Variants in PPP4R2 observed in about 807,000 individuals in gnomAD.
PPP4R2 encodes the protein serine/threonine-protein phosphatase 4 regulatory subunit 2.
A neutral mutation model predicts 47.2 loss-of-function variants in PPP4R2; 13 were observed. The ratio of observed to expected loss-of-function variants is 0.28; its 90% CI spans 0.18 to 0.44. The LOEUF is 0.44. Among genes scored for constraint, PPP4R2 ranks in the 20% least tolerant of loss-of-function variants. The pLI, the probability that PPP4R2 is intolerant of heterozygous loss-of-function variation, is 1.00. For synonymous variants in PPP4R2, 151 were observed against 163.3 expected, an observed-to-expected ratio of 0.92 and a Z score of 0.57; for missense variants, 421 against 491.2, an observed-to-expected ratio of 0.86 and a Z score of 1.35.
Position 73,064,000 on chromosome 3 carries a change from T to C in PPP4R2, c.495-3T>C, listed in dbSNP as rs1288971107. ...GAAATGATGTTCATTTATCTTATTATAGGTCTAATATAAATGGGCCTGGGA... is the reference window on the plus strand; with the variant it reads ...GAAATGATGTTCATTTATCTTATTACAGGTCTAATATAAATGGGCCTGGGA... On this transcript the variant is annotated splice_region_variant and splice_polypyrimidine_tract_variant and intron_variant, in intron 6 of 8. Transcript: ENST00000356692. The C allele has an allele frequency of 1.3e-6, 2 of 1,581,570 alleles. No individual in the cohort carries two copies. Among genetic ancestry groups the C allele is most frequent in the African/African-American group, 2.8e-5 (2 of 72,726 alleles).
At chr3:72,998,595 G>C (rs1428794651) in intron 2 of PPP4R2, among the ~76,000 whole-genome samples, 1 of 152,100 alleles carries the variant, frequency 6.6e-6, no homozygotes, top group African/African-American at 2.4e-5. Context: ...GCATATGTAG[G>C]TGTTTAAAGT....
chr3:73,015,941 T>G (rs1701823808), intron 2 of PPP4R2: 1 of 240,144 alleles, frequency 4.2e-6, no homozygotes, highest in African/African-American at 2.4e-5. Flanking sequence ...CCCGCCCTGT[T>G]TTTTTGAGTA....
intron 2 of PPP4R2, among the ~76,000 whole-genome samples, chr3:73,005,872 A>T (rs1000176054): frequency 6.7e-5 from 10 of 150,240 alleles, no homozygotes; most frequent in Non-Finnish European, 1.5e-4. Flanking sequence ...TATAATTGAC[A>T]TACAATACAC....
At chr3:73,038,774 CTT>C (rs1243922367) in intron 2 of PPP4R2, among the ~76,000 whole-genome samples, 1 of 152,118 alleles carries the variant, frequency 6.6e-6, no homozygotes, top group Non-Finnish European at 1.5e-5. Context: ...TAATTTGAAT[CTT>C]TAGGCATTTT....
At chr3:73,027,725 ATAAAT>A (rs1476562396) in intron 2 of PPP4R2, 2 of 151,776 alleles carry the variant, frequency 1.3e-5, no homozygotes, top group Non-Finnish European at 2.9e-5. Flanking sequence ...CAGTAGATAA[ATAAAT>A]TATATATTAT....
chr3:73,011,482 GA>G (rs34933435), intron 2 of PPP4R2, among the ~76,000 whole-genome samples: 21,067 of 148,536 alleles, frequency 0.14, 1,754 homozygotes, highest in East Asian at 0.36. Flanking sequence ...CAGTGTCTCA[GA>G]AAAAAAAAAA....
intron 2 of PPP4R2, among the ~76,000 whole-genome samples, chr3:73,021,707 C>T (rs916340924): frequency 4.6e-5 from 7 of 151,980 alleles, no homozygotes; most frequent in African/African-American, 1.7e-4. Context: ...ATTAAGGTAT[C>T]ACTTAAGTCA....
chr3:73,023,076 A>G (rs1351115627), intron 2 of PPP4R2, among the ~76,000 whole-genome samples: 1 of 152,102 alleles, frequency 6.6e-6, no homozygotes, highest in East Asian at 1.9e-4. Flanking sequence ...TTGCATCCTT[A>G]CTTTGTGACT....
rs1703053092 is a variant in PPP4R2 at position 73,068,836 on chromosome 3, G to A, written c.*3114G>A. 1.3e-5 allele frequency: 2 copies of A among 152,212 alleles called. No homozygotes were observed. The highest frequency in any genetic ancestry group is 4.8e-5 in the African/African-American group (2 of 41,454). 9.4% of individuals were successfully genotyped at this position (152,212 alleles called of 1,614,324 possible). On this transcript the variant is annotated 3_prime_UTR_variant, in exon 9 of 9. Transcript: ENST00000356692. ...TTATGAAAAAAATGTAACATGGTAA[G>A]GATGAAAATGCAACTTACAAAACCA...
intron 1 of PPP4R2, 72 bp from the exon 2 acceptor site, chr3:72,998,005 A>G: frequency 2.0e-6 from 2 of 999,058 alleles, no homozygotes; most frequent in Non-Finnish European, 3.2e-6. Flanking sequence ...AAGGTAAAGG[A>G]CTAGGAGGAA....
intron 2 of PPP4R2, among the ~76,000 whole-genome samples, chr3:73,042,795 T>G (rs1317387349): frequency 1.3e-5 from 2 of 152,208 alleles, no homozygotes; most frequent in Non-Finnish European, 2.9e-5. Flanking sequence ...TAGTATCACT[T>G]GAATTGCATC....
chr3:73,049,754 T>G (rs781180794), intron 3 of PPP4R2, among the ~76,000 whole-genome samples: 1 of 149,698 alleles, frequency 6.7e-6, no homozygotes, highest in African/African-American at 2.4e-5. Flanking sequence ...TATTATATAT[T>G]ATATATAAAT....
At chr3:73,012,323 G>A (rs34646485) in intron 2 of PPP4R2, among the ~76,000 whole-genome samples, 49,819 of 151,426 alleles carry the variant, frequency 0.33, 8,705 homozygotes, top group Non-Finnish European at 0.4. Flanking sequence ...TTTTTGAGAC[G>A]GAGTCTTGCT....
At chr3:73,009,945 T>G (rs187226868) in intron 2 of PPP4R2, among the ~76,000 whole-genome samples, 1 of 152,364 alleles carries the variant, frequency 6.6e-6, no homozygotes, top group Admixed American at 6.5e-5. Flanking sequence ...GCCCAGGTTT[T>G]GCATTGCTTG....
chr3:73,023,312 G>A (rs1282869171), intron 2 of PPP4R2, among the ~76,000 whole-genome samples: 4 of 151,228 alleles, frequency 2.6e-5, no homozygotes, highest in East Asian at 1.9e-4. Flanking sequence ...TCAGCCTCCC[G>A]AGTAGCTCAG....
intron 2 of PPP4R2, among the ~76,000 whole-genome samples, chr3:73,000,978 T>C (rs1007610053): frequency 1.3e-5 from 2 of 152,180 alleles, no homozygotes; most frequent in African/African-American, 4.8e-5. Context: ...GTGGTAGCCT[T>C]TTCCAGTTGG....
intron 2 of PPP4R2, among the ~76,000 whole-genome samples, chr3:73,038,847 A>G (rs1702318361): frequency 6.6e-6 from 1 of 152,158 alleles, no homozygotes; most frequent in Non-Finnish European, 1.5e-5. Flanking sequence ...ACACTGAGCT[A>G]TTGTCTGAAA....
At chr3:73,047,051 C>A in intron 2 of PPP4R2, 135 bp from the exon 3 acceptor site, 1 of 572,584 alleles carries the variant, frequency 1.7e-6, no homozygotes, top group Non-Finnish European at 3.0e-6. Context: ...TCTTCAATGA[C>A]GGCATTCTCA....
chr3:73,009,249 G>A (rs952852370), intron 2 of PPP4R2, among the ~76,000 whole-genome samples: 1 of 152,166 alleles, frequency 6.6e-6, no homozygotes, highest in Non-Finnish European at 1.5e-5. Context: ...GACTACGAGT[G>A]GGGAATGGGA....
Sources: gnomAD v4.1 joint callset for allele counts (sites outside exome capture counted in the v4.1 genomes callset) on GRCh38, gnomAD v4.1.1 for gene constraint, MANE v1.5 for transcripts, NCBI Gene and HGNC (gene_info 2026-07-23, HGNC 2026-07-21) for gene names.